Variants in RASAL2 observed in about 807,000 individuals in gnomAD.
RASAL2 encodes ras GTPase-activating protein nGAP.
RASAL2 carries 58 observed loss-of-function variants against 128.9 expected under a neutral mutation model. The observed-to-expected ratio is 0.45, with a 90% CI of 0.36 to 0.56. RASAL2 has a LOEUF of 0.56. Ranked by LOEUF, RASAL2 falls within the 20% of genes least tolerant of loss-of-function variation. The pLI is 0.00. For missense variants in RASAL2, 1,360 were observed against 1,601.6 expected (o/e 0.85, Z 2.57); for synonymous variants, 561 against 580.8 (o/e 0.97, Z 0.49).
At chr1:178,128,508 C>T (rs527484632) in intron 1 of RASAL2, among the ~76,000 whole-genome samples, 1 of 152,096 alleles carries the variant, frequency 6.6e-6, no homozygotes. Flanking sequence ...CAATAATACT[C>T]TGTACATCTT....
intron 1 of RASAL2, among the ~76,000 whole-genome samples, chr1:178,262,794 CA>C (rs1358458180): frequency 2.1e-5 from 3 of 144,272 alleles, no homozygotes; most frequent in African/African-American, 7.9e-5. Context: ...GCCCCCCACT[CA>C]TTTTTTTTTT....
At chr1:178,347,348 G>A (rs1359813972) in intron 3 of RASAL2, among the ~76,000 whole-genome samples, 1 of 152,070 alleles carries the variant, frequency 6.6e-6, no homozygotes, top group Non-Finnish European at 1.5e-5. Context: ...CCTGTGTGAC[G>A]GGAGAATAGA....
intron 1 of RASAL2, among the ~76,000 whole-genome samples, chr1:178,208,638 C>G (rs944541296): frequency 6.6e-6 from 1 of 152,034 alleles, no homozygotes; most frequent in Non-Finnish European, 1.5e-5. Flanking sequence ...TTTGTTGGAC[C>G]CTTATCAGTA....
chr1:178,122,713 A>G (rs1401497096), intron 1 of RASAL2, among the ~76,000 whole-genome samples: 1 of 152,170 alleles, frequency 6.6e-6, no homozygotes, highest in Non-Finnish European at 1.5e-5. Context: ...AATGTCTTGT[A>G]ATATATAAAA....
intron 1 of RASAL2, among the ~76,000 whole-genome samples, chr1:178,114,523 T>G (rs1385095966): frequency 2.6e-5 from 3 of 113,458 alleles, no homozygotes; most frequent in Non-Finnish European, 5.4e-5. Flanking sequence ...ATTTTTGAGG[T>G]TTTTTTTTTT....
chr1:178,380,858 T>A (rs1369359746), intron 3 of RASAL2, among the ~76,000 whole-genome samples: 3 of 152,126 alleles, frequency 2.0e-5, no homozygotes, highest in African/African-American at 7.2e-5. Flanking sequence ...TCAGTATTAG[T>A]CAGGAATATA....
At chr1:178,213,704 G>A (rs1470064847) in intron 1 of RASAL2, among the ~76,000 whole-genome samples, 1 of 151,388 alleles carries the variant, frequency 6.6e-6, no homozygotes, top group East Asian at 1.9e-4. Context: ...AAACTAATCT[G>A]TATGACAGAA....
chr1:178,355,830 T>C (rs1670774926), intron 3 of RASAL2, among the ~76,000 whole-genome samples: 1 of 152,144 alleles, frequency 6.6e-6, no homozygotes, highest in South Asian at 2.1e-4. Context: ...AATGGCTGTA[T>C]ACATTTAAAG....
chr1:178,251,811 C>A (rs1388366821), intron 1 of RASAL2, among the ~76,000 whole-genome samples: 3 of 152,120 alleles, frequency 2.0e-5, no homozygotes, highest in African/African-American at 4.8e-5. Flanking sequence ...TTACTTTATT[C>A]TTTCATCCTC....
chr1:178,411,822 A>C lies in RASAL2; in HGVS notation c.565-8689A>C, dbSNP rs878926361. 3.9e-6 allele frequency: 3 copies of C among 768,172 alleles called. No homozygotes were observed. The African/African-American group carries it at 5.1e-5, about 13-fold the overall frequency. The allele number at this position is 768,172 out of a possible 1,614,324, so 47.6% of individuals were successfully genotyped here. A position where few individuals can be genotyped will look rare whatever the true frequency, so the allele number is the denominator to read the frequency against. Reference sequence around the variant, plus strand: ...ATGTGGCCCAGAGGTGCAAGGAGCCAGGTATCACTGCCCTACACGTCAAAC... The same window carrying C: ...ATGTGGCCCAGAGGTGCAAGGAGCCCGGTATCACTGCCCTACACGTCAAAC... On this transcript the variant is annotated intron_variant, in intron 4 of 17. Transcript: ENST00000367649.
intron 1 of RASAL2, among the ~76,000 whole-genome samples, chr1:178,228,170 G>T (rs1663862241): frequency 6.6e-6 from 1 of 152,154 alleles, no homozygotes; most frequent in Admixed American, 6.5e-5. Context: ...TCTTGCTTGT[G>T]TAGTGTGTCT....
intron 1 of RASAL2, among the ~76,000 whole-genome samples, chr1:178,100,154 C>A (rs376853492): frequency 1.3e-5 from 2 of 152,026 alleles, no homozygotes; most frequent in Non-Finnish European, 2.9e-5. Context: ...TTCTAGAACA[C>A]CCCTCTTTAA....
chr1:178,225,089 G>C (rs911674360), intron 1 of RASAL2, among the ~76,000 whole-genome samples: 1 of 151,934 alleles, frequency 6.6e-6, no homozygotes, highest in African/African-American at 2.4e-5. Context: ...CTAAGGGACA[G>C]GTCCCTTTTG....
rs943930057 is a variant in RASAL2 at position 178,250,427 on chromosome 1, C to T, written c.203-33137C>T. Among the ~76,000 whole-genome samples the T allele has an allele frequency of 2.1e-4, 32 of 152,340 alleles. No homozygotes were observed. The East Asian group carries it at 5.8e-3, about 28-fold the overall frequency. ...AGCAATGGCGGACGCCCCAACCCCACCAAGCTTGATCATCCCAGGTCGACT... is the reference window on the plus strand; with the variant it reads ...AGCAATGGCGGACGCCCCAACCCCATCAAGCTTGATCATCCCAGGTCGACT... On this transcript the variant is annotated intron_variant, in intron 1 of 17. Transcript: ENST00000367649.
Position 178,143,426 on chromosome 1 carries a change from T to TG in RASAL2, c.202+48733dup, listed in dbSNP as rs1204483547. 9.2e-5 allele frequency among the ~76,000 whole-genome samples: 14 copies of TG among 152,134 alleles called. No individual in the cohort carries two copies. The East Asian group carries it at 1.7e-3, about 19-fold the overall frequency. On this transcript the variant is annotated intron_variant, in intron 1 of 17. Transcript: ENST00000367649. ...AAAGGGTGTTTTTTATTCAGGCCTT[T>TG]GCTGCAATTTTTTGAAGCAGATTTA...
At chr1:178,170,071 TTTAAA>T (rs1386312037) in intron 1 of RASAL2, among the ~76,000 whole-genome samples, 11 of 152,026 alleles carry the variant, frequency 7.2e-5, no homozygotes, top group African/African-American at 2.7e-4. Context: ...TCTTGTTTGA[TTTAAA>T]TTGCTCCTTA....
chr1:178,279,629 T>C (rs1314224315), intron 1 of RASAL2, among the ~76,000 whole-genome samples: 1 of 152,204 alleles, frequency 6.6e-6, no homozygotes, highest in Non-Finnish European at 1.5e-5. Flanking sequence ...CTATTTTTTA[T>C]AGTAGAACTA....
intron 1 of RASAL2, among the ~76,000 whole-genome samples, chr1:178,251,553 G>A (rs1571708376): frequency 6.6e-6 from 1 of 152,214 alleles, no homozygotes; most frequent in East Asian, 1.9e-4. Context: ...ATGAGCTTTG[G>A]TACTTTTTAA....
At chr1:178,166,933 T>TTTTTAA (rs1661536491) in intron 1 of RASAL2, among the ~76,000 whole-genome samples, 1 of 152,098 alleles carries the variant, frequency 6.6e-6, no homozygotes, top group Non-Finnish European at 1.5e-5. Context: ...TTTTTAAAAA[T>TTTTTAA]CAATTATTAG....
Sources: gnomAD v4.1 joint callset for allele counts (sites outside exome capture counted in the v4.1 genomes callset) on GRCh38, gnomAD v4.1.1 for gene constraint, MANE v1.5 for transcripts, NCBI Gene and HGNC (gene_info 2026-07-23, HGNC 2026-07-21) for gene names.